BTBD9: variants seen among roughly 807,000 people sequenced by gnomAD.
BTBD9 encodes the protein BTB domain containing 9, also known as BTB/POZ domain-containing protein 9.
A neutral mutation model predicts 64.3 loss-of-function variants in BTBD9; 49 were observed. That is an observed-to-expected ratio of 0.76 (90% CI 0.61 to 0.97). BTBD9 has a LOEUF of 0.97. Among genes scored for constraint, BTBD9 ranks in the 50% least tolerant of loss-of-function variants. BTBD9 has a pLI of 0.00. For synonymous variants in BTBD9, 260 were observed against 274.7 expected (o/e 0.95, Z 0.53); for missense variants, 598 against 762.1 (o/e 0.78, Z 2.53).
intron 8 of BTBD9, among the ~76,000 whole-genome samples, chr6:38,268,091 T>C (rs941174640): frequency 1.3e-5 from 2 of 152,246 alleles, no homozygotes; most frequent in African/African-American, 4.8e-5. Flanking sequence ...CAGTGTTCTA[T>C]AGAATGAATT....
intron 10 of BTBD9, among the ~76,000 whole-genome samples, chr6:38,182,108 A>G (rs922186339): frequency 1.2e-4 from 18 of 152,190 alleles, no homozygotes; most frequent in African/African-American, 4.3e-4. Flanking sequence ...ATACCCAAAT[A>G]TTTTTGCACT....
At chr6:38,318,165 G>A (rs1042471893) in intron 7 of BTBD9, among the ~76,000 whole-genome samples, 3 of 152,112 alleles carry the variant, frequency 2.0e-5, no homozygotes, top group Non-Finnish European at 4.4e-5. Context: ...AAAGTGCTGG[G>A]ATTACAGGCG....
At chr6:38,324,645 C>G (rs1241519879) in intron 7 of BTBD9, among the ~76,000 whole-genome samples, 1 of 152,162 alleles carries the variant, frequency 6.6e-6, no homozygotes, top group Non-Finnish European at 1.5e-5. Context: ...TGATATACTA[C>G]TTTATGGCCT....
intron 6 of BTBD9, among the ~76,000 whole-genome samples, chr6:38,543,693 C>T (rs1774393598): frequency 6.6e-6 from 1 of 152,134 alleles, no homozygotes; most frequent in Non-Finnish European, 1.5e-5. Context: ...CGCGGTGGCT[C>T]ACGCCTGTAA....
In BTBD9 at chr6:38,169,897, T is replaced by G. The variant is rs534289626; in HGVS notation, c.*5088A>C. 4.6e-5 allele frequency: 4 copies of G among 87,110 alleles called. No individual in the cohort carries two copies. The highest frequency in any genetic ancestry group is 2.1e-4 in the Admixed American group (2 of 9,356). The allele number at this position is 87,110 out of a possible 1,614,324, so 5.4% of individuals were successfully genotyped here. On this transcript the variant is annotated 3_prime_UTR_variant, in exon 11 of 11. Transcript: ENST00000481247. ...GGCCTCTTGGGGACTATTTCAGTTCTTTAAAAAAAAGAAGACACGAAGCTG... is the reference window on the plus strand; with the variant it reads ...GGCCTCTTGGGGACTATTTCAGTTCGTTAAAAAAAAGAAGACACGAAGCTG...
chr6:38,405,424 A>T (rs977791159), intron 6 of BTBD9, among the ~76,000 whole-genome samples: 1 of 152,244 alleles, frequency 6.6e-6, no homozygotes, highest in African/African-American at 2.4e-5. Context: ...TAGAAAAGCT[A>T]AATTGCTATG....
chr6:38,360,545 G>A (rs1764907979), intron 6 of BTBD9, among the ~76,000 whole-genome samples: 2 of 152,234 alleles, frequency 1.3e-5, no homozygotes, highest in Non-Finnish European at 1.5e-5. Flanking sequence ...ACATAGGAAT[G>A]GTACATAATC....
chr6:38,336,259 A>T (rs7771835), intron 7 of BTBD9, among the ~76,000 whole-genome samples: 44,754 of 151,998 alleles, frequency 0.29, 8,029 homozygotes, highest in African/African-American at 0.49. Context: ...TTTTGTGTGA[A>T]TCTCTCCTGA....
At chr6:38,334,679 C>T (rs2127583726) in intron 7 of BTBD9, among the ~76,000 whole-genome samples, 1 of 146,922 alleles carries the variant, frequency 6.8e-6, no homozygotes, top group African/African-American at 2.6e-5. Flanking sequence ...CAAAACAAAA[C>T]AAAAACAAGC....
intron 7 of BTBD9, among the ~76,000 whole-genome samples, chr6:38,303,581 T>C (rs1762491672): frequency 6.7e-6 from 1 of 149,968 alleles, no homozygotes; most frequent in Non-Finnish European, 1.5e-5. Context: ...CTGTGTTAGT[T>C]TGTCAGTTTC....
intron 6 of BTBD9, among the ~76,000 whole-genome samples, chr6:38,363,537 T>C (rs571984640): frequency 1.3e-5 from 2 of 152,328 alleles, no homozygotes; most frequent in Non-Finnish European, 2.9e-5. Flanking sequence ...TATGATTGAT[T>C]GCACCACTGC....
chr6:38,258,564 C>A (rs1263248651), intron 8 of BTBD9, among the ~76,000 whole-genome samples: 1 of 152,148 alleles, frequency 6.6e-6, no homozygotes, highest in Non-Finnish European at 1.5e-5. Context: ...TAAACTCAGT[C>A]AGTGCTTGCT....
At chr6:38,325,685 AAAAACAAAAAAAC>A in intron 7 of BTBD9, among the ~76,000 whole-genome samples, 1 of 152,356 alleles carries the variant, frequency 6.6e-6, no homozygotes, top group South Asian at 2.1e-4. Flanking sequence ...ACTCCGTCTC[AAAAACAAAAAAAC>A]AAAACAAAAC....
Position 38,288,259 on chromosome 6 carries a change from G to C in BTBD9, c.1454+13C>G, listed in dbSNP as rs1056561632. ...CCATTTTAAAACTTATGAATGAGGA[G>C]GAATCTTCTTACCGTATTGACCCAA... On this transcript the variant is annotated intron_variant, in intron 8 of 10. Transcript: ENST00000481247. 6.2e-7 allele frequency: 1 copy of C among 1,600,402 alleles called. No homozygotes were observed. Among genetic ancestry groups the C allele is most frequent in the East Asian group, 2.2e-5 (1 of 44,648 alleles).
intron 7 of BTBD9, among the ~76,000 whole-genome samples, chr6:38,328,564 C>CGTGTGTGTGTGTGTGTGTCTGTGTGT (rs1442660083): frequency 7.7e-6 from 1 of 130,408 alleles, no homozygotes; most frequent in African/African-American, 3.0e-5. Context: ...TTTAAGCCAC[C>CGTGTGTGTGTGTGTGTGTCTGTGTGT]GTGTGTGTGT....
intron 6 of BTBD9, among the ~76,000 whole-genome samples, chr6:38,544,753 CCT>C (rs1304718144): frequency 6.6e-6 from 1 of 151,526 alleles, no homozygotes; most frequent in Non-Finnish European, 1.5e-5. Flanking sequence ...GTGGTGAAAC[CCT>C]GTCTCTACTA....
At chr6:38,463,696 C>A (rs2127355888) in intron 6 of BTBD9, among the ~76,000 whole-genome samples, 1 of 152,232 alleles carries the variant, frequency 6.6e-6, no homozygotes, top group African/African-American at 2.4e-5. Flanking sequence ...AGTCTTAAAC[C>A]TTGGTACCTA....
intron 8 of BTBD9, among the ~76,000 whole-genome samples, chr6:38,265,080 G>C (rs114608718): frequency 8.9e-4 from 135 of 152,156 alleles, no homozygotes; most frequent in Non-Finnish European, 1.6e-3. Context: ...TTCTCTAAAA[G>C]GGGAAGAAAC....
At chr6:38,406,303 T>G (rs1347064462) in intron 6 of BTBD9, among the ~76,000 whole-genome samples, 1 of 152,194 alleles carries the variant, frequency 6.6e-6, no homozygotes, top group East Asian at 1.9e-4. Context: ...CTCTAAGTGC[T>G]GTTGAGATTT....
Sources: gnomAD v4.1 joint callset for allele counts (sites outside exome capture counted in the v4.1 genomes callset) on GRCh38, gnomAD v4.1.1 for gene constraint, MANE v1.5 for transcripts, NCBI Gene and HGNC (gene_info 2026-07-23, HGNC 2026-07-21) for gene names.